GABRB1: variants seen among roughly 807,000 people sequenced by gnomAD.
GABRB1 encodes gamma-aminobutyric acid type A receptor subunit beta1, also known as gamma-aminobutyric acid receptor subunit beta-1.
In GABRB1, 17 loss-of-function variants were observed where a neutral mutation model predicts 51.6. That is an observed-to-expected ratio of 0.33 (90% CI 0.23 to 0.49). The LOEUF (loss-of-function observed/expected upper bound fraction) is 0.49, where lower values mean the gene tolerates loss of function less well. Ranked by LOEUF, GABRB1 falls within the 20% of genes least tolerant of loss-of-function variation. The probability of loss-of-function intolerance (pLI) is 0.99; values close to 1 mark genes in which losing one functional copy is unlikely to be tolerated. For synonymous variants in GABRB1, 247 were observed against 218.9 expected (o/e 1.13, Z -1.14); for missense variants, 410 against 600.6 (o/e 0.68, Z 3.32).
chr4:47,276,497 A>G (rs1288377816), intron 4 of GABRB1, among the ~76,000 whole-genome samples: 2 of 152,116 alleles, frequency 1.3e-5, no homozygotes, highest in Non-Finnish European at 2.9e-5. Context: ...ATGACCCTGT[A>G]TACTCCAAGG....
intron 5 of GABRB1, among the ~76,000 whole-genome samples, chr4:47,381,126 C>T (rs1037222929): frequency 2.6e-5 from 4 of 152,118 alleles, no homozygotes; most frequent in African/African-American, 9.7e-5. Flanking sequence ...CCACACCTAC[C>T]CCTGAAGTCT....
At chr4:47,149,573 A>G (rs1175287541) in intron 3 of GABRB1, among the ~76,000 whole-genome samples, 1 of 152,020 alleles carries the variant, frequency 6.6e-6, no homozygotes, top group Non-Finnish European at 1.5e-5. Flanking sequence ...TGTCTATTTT[A>G]GCCAAAGACT....
At chr4:47,097,949 G>A (rs566120425) in intron 3 of GABRB1, among the ~76,000 whole-genome samples, 1 of 152,208 alleles carries the variant, frequency 6.6e-6, no homozygotes, top group African/African-American at 2.4e-5. Context: ...CAGTTTACAA[G>A]TATCTGTGAT....
intron 4 of GABRB1, among the ~76,000 whole-genome samples, chr4:47,178,001 T>G (rs183411787): frequency 2.0e-5 from 3 of 152,206 alleles, no homozygotes; most frequent in African/African-American, 7.2e-5. Context: ...TATAACTCCA[T>G]GTTGCTATAG....
At chr4:47,200,502 A>G (rs994491207) in intron 4 of GABRB1, among the ~76,000 whole-genome samples, 2 of 152,184 alleles carry the variant, frequency 1.3e-5, no homozygotes, top group Non-Finnish European at 2.9e-5. Flanking sequence ...ACTGTATGGC[A>G]AAGTGTGACT....
chr4:47,236,340 C>T (rs1721333803), intron 4 of GABRB1, among the ~76,000 whole-genome samples: 1 of 151,828 alleles, frequency 6.6e-6, no homozygotes, highest in African/African-American at 2.4e-5. Context: ...AAAAAAAAGT[C>T]ATTTTAGCAA....
chr4:47,246,761 G>A (rs1198457979), intron 4 of GABRB1, among the ~76,000 whole-genome samples: 1 of 151,872 alleles, frequency 6.6e-6, no homozygotes, highest in Non-Finnish European at 1.5e-5. Flanking sequence ...GTTTTGATTT[G>A]CATTTCTCTG....
intron 3 of GABRB1, among the ~76,000 whole-genome samples, chr4:47,040,270 T>C (rs949187712): frequency 1.1e-4 from 17 of 152,188 alleles, no homozygotes; most frequent in African/African-American, 3.4e-4. Flanking sequence ...TTTAGGTTCT[T>C]GCAGCTATGT....
chr4:47,014,606 C>T (rs768707556), intron 1 of GABRB1, among the ~76,000 whole-genome samples: 5 of 152,156 alleles, frequency 3.3e-5, no homozygotes, highest in Admixed American at 6.5e-5. Context: ...TTTAATTTAA[C>T]TCTGACACTA....
intron 5 of GABRB1, among the ~76,000 whole-genome samples, chr4:47,400,656 A>T (rs943889799): frequency 4.0e-5 from 6 of 151,586 alleles, no homozygotes; most frequent in African/African-American, 1.5e-4. Context: ...TGGGTTATTG[A>T]TGTATCCATT....
chr4:47,416,130 T>C (rs1231643863), intron 8 of GABRB1, among the ~76,000 whole-genome samples: 1 of 152,126 alleles, frequency 6.6e-6, no homozygotes, highest in Non-Finnish European at 1.5e-5. Flanking sequence ...CAGATGACGA[T>C]AATTATAGTA....
chr4:47,367,440 G>A (rs550271426), intron 5 of GABRB1, among the ~76,000 whole-genome samples: 7 of 152,176 alleles, frequency 4.6e-5, no homozygotes, highest in South Asian at 4.1e-4. Flanking sequence ...GCGGCTCTAC[G>A]GAGTCAACCT....
chr4:47,245,057 G>C (rs557543682), intron 4 of GABRB1, among the ~76,000 whole-genome samples: 2 of 152,174 alleles, frequency 1.3e-5, no homozygotes, highest in Non-Finnish European at 2.9e-5. Context: ...GAATCCAGGA[G>C]CTGGTTTTTT....
chr4:47,201,383 T>C (rs930771010), intron 4 of GABRB1, among the ~76,000 whole-genome samples: 3 of 152,180 alleles, frequency 2.0e-5, no homozygotes, highest in Non-Finnish European at 4.4e-5. Context: ...TTCTATTACA[T>C]GTCTATATTT....
intron 4 of GABRB1, among the ~76,000 whole-genome samples, chr4:47,291,039 C>T (rs533418735): frequency 6.6e-6 from 1 of 152,324 alleles, no homozygotes; most frequent in African/African-American, 2.4e-5. Flanking sequence ...GTCTCCAGGG[C>T]ATTTCAGAGG....
chr4:47,049,419 G>A (rs535911615), intron 3 of GABRB1, among the ~76,000 whole-genome samples: 2 of 152,176 alleles, frequency 1.3e-5, no homozygotes, highest in South Asian at 4.2e-4. Context: ...CAATTTTTGG[G>A]TAGAGAAAGA....
chr4:47,000,449 C>G (rs1577812200), intron 1 of GABRB1, among the ~76,000 whole-genome samples: 1 of 152,170 alleles, frequency 6.6e-6, no homozygotes, highest in Admixed American at 6.5e-5. Flanking sequence ...TTATATTCAT[C>G]TTCTTTTGTG....
chr4:47,418,481 T>C (rs1406773308), intron 8 of GABRB1, among the ~76,000 whole-genome samples: 2 of 152,146 alleles, frequency 1.3e-5, no homozygotes, highest in African/African-American at 4.8e-5. Context: ...TTATCGAGGG[T>C]AATCTCCTTT....
chr4:47,405,259 C>T (rs1019755831), intron 7 of GABRB1, among the ~76,000 whole-genome samples: 3 of 152,104 alleles, frequency 2.0e-5, no homozygotes, highest in Non-Finnish European at 2.9e-5. Flanking sequence ...TGTATGGTAG[C>T]CCTGACCTCC....
Sources: allele counts gnomAD v4.1 joint callset (sites outside exome capture counted in the v4.1 genomes callset), GRCh38; gene constraint gnomAD v4.1.1; transcripts MANE v1.5; gene names NCBI Gene and HGNC (gene_info 2026-07-23, HGNC 2026-07-21).